Variants in TFCP2 observed in about 807,000 individuals in gnomAD.
The protein encoded by TFCP2 is transcription factor CP2.
In TFCP2, 33 loss-of-function variants were observed where a neutral mutation model predicts 73.4. The ratio of observed to expected loss-of-function variants is 0.45; its 90% CI spans 0.34 to 0.60. The LOEUF (loss-of-function observed/expected upper bound fraction) is 0.60, where lower values mean the gene tolerates loss of function less well. Among genes scored for constraint, TFCP2 ranks in the 20% least tolerant of loss-of-function variants. The probability of loss-of-function intolerance (pLI) is 0.01; values close to 1 mark genes in which losing one functional copy is unlikely to be tolerated. For missense variants in TFCP2, 352 were observed against 604.0 expected (o/e 0.58, Z 4.37); for synonymous variants, 193 against 211.6 (o/e 0.91, Z 0.76).
intron 1 of TFCP2, among the ~76,000 whole-genome samples, chr12:51,162,217 G>A (rs774036873): frequency 7.5e-4 from 114 of 152,140 alleles, no homozygotes; most frequent in Admixed American, 1.7e-3. Context: ...AGGCTGAGGC[G>A]GGTGGATCAC....
At chr12:51,124,596 C>T (rs1377677184) in intron 1 of TFCP2, 25 of 510,202 alleles carry the variant, frequency 4.9e-5, no homozygotes, top group Admixed American at 1.1e-4. Context: ...ATGGGGCAGC[C>T]GGAGGAGCGG....
intron 1 of TFCP2, among the ~76,000 whole-genome samples, chr12:51,138,259 G>A (rs766286781): frequency 1.3e-5 from 2 of 151,636 alleles, no homozygotes; most frequent in Admixed American, 6.6e-5. Context: ...CTCCCGCCTC[G>A]GCCTGTCGAG....
At position 51,117,667 on chromosome 12, in the gene TFCP2, T is replaced by C; in HGVS notation, c.351+4A>G. 1 of 1,607,520 alleles carries C rather than the reference T, an allele frequency of 6.2e-7. No individual in the cohort carries two copies. The highest frequency in any genetic ancestry group is 1.1e-5 in the South Asian group (1 of 90,336). ...TGTACAGAAGAATGATTTATTCGTT[T>C]TACCTTCACCAATTTGCCATTAATT... is the stretch of plus-strand genomic sequence containing the variant. On this transcript the variant is annotated splice_donor_region_variant and intron_variant, in intron 3 of 14. Coordinates refer to ENST00000257915, the MANE Select transcript of TFCP2 (RefSeq NM_005653.5).
At chr12:51,168,057 G>A (rs192365435) in intron 1 of TFCP2, among the ~76,000 whole-genome samples, 47 of 149,984 alleles carry the variant, frequency 3.1e-4, no homozygotes, top group African/African-American at 1.1e-3. Context: ...GTGAGATGTC[G>A]CCTCCAAAAA....
chr12:51,108,355 T>C (rs1018109959), intron 6 of TFCP2, among the ~76,000 whole-genome samples: 3 of 151,896 alleles, frequency 2.0e-5, no homozygotes, highest in Non-Finnish European at 4.4e-5. Context: ...TGGTTTCCTC[T>C]GGGAAGAGGT....
intron 13 of TFCP2, among the ~76,000 whole-genome samples, chr12:51,098,499 G>A (rs1000104445): frequency 6.6e-6 from 1 of 151,942 alleles, no homozygotes; most frequent in Non-Finnish European, 1.5e-5. Context: ...GGTGGCGCAC[G>A]CCTGTAATTC....
intron 12 of TFCP2, 66 bp downstream of exon 12, chr12:51,099,589 C>A: frequency 6.4e-7 from 1 of 1,572,326 alleles, no homozygotes; most frequent in South Asian, 1.1e-5. Flanking sequence ...TTTCCCATCA[C>A]ACATGCCCAT....
At chr12:51,118,923 C>T in intron 1 of TFCP2, 151 bp from the exon 2 acceptor site, 3 of 843,174 alleles carry the variant, frequency 3.6e-6, no homozygotes, top group Non-Finnish European at 5.6e-6. Context: ...AGATTACCTG[C>T]TGTGATATCC....
intron 1 of TFCP2, among the ~76,000 whole-genome samples, chr12:51,148,997 C>A (rs1361699865): frequency 9.2e-6 from 1 of 108,608 alleles, no homozygotes; most frequent in Non-Finnish European, 1.8e-5. Context: ...TGCACTCCAG[C>A]CTGAGCAACA....
Position 51,111,968 on chromosome 12 carries a change from C to A in TFCP2, c.458-985G>T, listed in dbSNP as rs1425432492. 3.3e-5 allele frequency among the ~76,000 whole-genome samples: 5 copies of A among 152,094 alleles called. No homozygotes were observed. In the East Asian group the frequency reaches 9.6e-4, roughly 29 times the overall value. On this transcript the variant is annotated intron_variant, in intron 4 of 14. Coordinates refer to ENST00000257915, the MANE Select transcript of TFCP2 (RefSeq NM_005653.5). ...AGTCAAGAGTTCAAGACCAGCCTGG[C>A]CAACATGGCGAAACCCCGTCTCTAC...
At chr12:51,117,325 G>T (rs1166713712) in intron 3 of TFCP2, among the ~76,000 whole-genome samples, 2 of 152,128 alleles carry the variant, frequency 1.3e-5, no homozygotes, top group East Asian at 3.9e-4. Flanking sequence ...TGTTTTCCTT[G>T]CTATAAGACT....
At chr12:51,158,544 A>G (rs1941585159) in intron 1 of TFCP2, among the ~76,000 whole-genome samples, 1 of 152,072 alleles carries the variant, frequency 6.6e-6, no homozygotes, top group East Asian at 1.9e-4. Context: ...GCTGAAGTGC[A>G]GTGGCACGAT....
At chr12:51,096,154 G>A (rs1939961748) in intron 13 of TFCP2, 114 bp from the exon 14 acceptor site, 1 of 741,994 alleles carries the variant, frequency 1.3e-6, no homozygotes, top group Non-Finnish European at 2.2e-6. Flanking sequence ...GGCTTTACAG[G>A]TCACAAATAA....
intron 1 of TFCP2, among the ~76,000 whole-genome samples, chr12:51,141,710 G>T (rs958044935): frequency 1.3e-5 from 2 of 150,042 alleles, no homozygotes; most frequent in East Asian, 3.9e-4. Context: ...GACAAGCCTG[G>T]ACAACATAGT....
intron 13 of TFCP2, among the ~76,000 whole-genome samples, chr12:51,097,828 C>A (rs1259238761): frequency 1.3e-5 from 2 of 151,730 alleles, no homozygotes; most frequent in Non-Finnish European, 2.9e-5. Flanking sequence ...ACCAGACTGG[C>A]CACATGGTGA....
At chr12:51,120,533 G>T (rs1178986832) in intron 1 of TFCP2, among the ~76,000 whole-genome samples, 1 of 152,072 alleles carries the variant, frequency 6.6e-6, no homozygotes, top group Non-Finnish European at 1.5e-5. Flanking sequence ...GGTCTGCTAC[G>T]TGGTTGTAAC....
chr12:51,095,971 T>C lies in TFCP2; in HGVS notation c.1471+18A>G, dbSNP rs1355381168. The C allele has an allele frequency of 6.2e-7, 1 of 1,609,440 alleles. No individual in the cohort carries two copies. Among genetic ancestry groups the C allele is most frequent in the Non-Finnish European group, 8.5e-7 (1 of 1,176,666 alleles). On this transcript the variant is annotated intron_variant, in intron 14 of 14. Transcript: ENST00000257915. Reference sequence around the variant, plus strand: ...AGCTGTTAAACTGCTTAGAGAAAGATGTTTGTCTTACTATTACCTTTCATT... The same window carrying C: ...AGCTGTTAAACTGCTTAGAGAAAGACGTTTGTCTTACTATTACCTTTCATT...
At chr12:51,139,660 G>A (rs542567100) in intron 1 of TFCP2, among the ~76,000 whole-genome samples, 8 of 152,298 alleles carry the variant, frequency 5.3e-5, no homozygotes, top group African/African-American at 1.9e-4. Flanking sequence ...TGACAGACAG[G>A]AGACACTGCA....
At chr12:51,146,133 C>T (rs941061857) in intron 1 of TFCP2, among the ~76,000 whole-genome samples, 3 of 151,044 alleles carry the variant, frequency 2.0e-5, no homozygotes, top group African/African-American at 7.3e-5. Flanking sequence ...TTGTAGATTA[C>T]TCCGTCTCTA....
Sources: allele counts gnomAD v4.1 joint callset (sites outside exome capture counted in the v4.1 genomes callset), GRCh38; gene constraint gnomAD v4.1.1; transcripts MANE v1.5; gene names NCBI Gene and HGNC (gene_info 2026-07-23, HGNC 2026-07-21).